Variants in DNAH12 observed in about 807,000 individuals in gnomAD.
DNAH12 encodes the protein dynein axonemal heavy chain 12, also known as axonemal beta dynein heavy chain 12.
A neutral mutation model predicts 371.5 loss-of-function variants in DNAH12; 285 were observed. The ratio of observed to expected loss-of-function variants is 0.77; its 90% CI spans 0.70 to 0.85. The LOEUF (loss-of-function observed/expected upper bound fraction) is 0.85, where lower values mean the gene tolerates loss of function less well. Ranked by LOEUF, DNAH12 falls within the 40% of genes least tolerant of loss-of-function variation. The pLI is 0.00. For synonymous variants in DNAH12, 1,200 were observed against 1,213.0 expected (o/e 0.99, Z 0.22); for missense variants, 3,611 against 3,689.4 (o/e 0.98, Z 0.55).
intron 12 of DNAH12, among the ~76,000 whole-genome samples, chr3:57,484,927 A>G (rs1654632751): frequency 6.6e-6 from 1 of 152,198 alleles, no homozygotes; most frequent in Non-Finnish European, 1.5e-5. Flanking sequence ...AAAACCTATG[A>G]AAAAATGCTC....
rs562343761 is a variant in DNAH12, at chr3:57,438,918, C to CGAAAAAAAAAAA, written c.4546-1859_4546-1858insTTTTTTTTTTTC. ...CAACAGAGTGAAACTCTGTCTCAGA[C>CGAAAAAAAAAAA]AAAAAAAAAAAAAAGGAAAGCAACT... On this transcript the variant is annotated intron_variant, in intron 29 of 73. Transcript: ENST00000495027. Among the ~76,000 whole-genome samples, 417 of 94,464 alleles carry CGAAAAAAAAAAA rather than the reference C, an allele frequency of 4.4e-3. 23 individuals are homozygous for CGAAAAAAAAAAA. The highest frequency in any genetic ancestry group is 6.7e-3 in the South Asian group (15 of 2,240). The allele number at this position is 94,464 out of a possible 152,430, so 62.0% of individuals were successfully genotyped here. A position where few individuals can be genotyped will look rare whatever the true frequency, so the allele number is the denominator to read the frequency against.
chr3:57,352,763 T>A (rs980033911), intron 59 of DNAH12, among the ~76,000 whole-genome samples: 2 of 151,940 alleles, frequency 1.3e-5, no homozygotes, highest in Non-Finnish European at 2.9e-5. Context: ...CAAAGAAGCA[T>A]AAAGTCTAGA....
At chr3:57,352,294 A>G in intron 59 of DNAH12, 69 bp from the exon 60 acceptor site, 3 of 1,413,610 alleles carry the variant, frequency 2.1e-6, no homozygotes, top group Non-Finnish European at 2.8e-6. Flanking sequence ...GTGAATTAAC[A>G]TATACACTTT....
intron 39 of DNAH12, among the ~76,000 whole-genome samples, chr3:57,411,740 A>T (rs2064213622): frequency 6.6e-6 from 1 of 152,152 alleles, no homozygotes; most frequent in Non-Finnish European, 1.5e-5. Flanking sequence ...AATATTATGA[A>T]GATGACAGTC....
At chr3:57,485,271 C>A (rs1184780422) in intron 12 of DNAH12, among the ~76,000 whole-genome samples, 4 of 152,162 alleles carry the variant, frequency 2.6e-5, no homozygotes, top group Admixed American at 6.6e-5. Flanking sequence ...AGATATGGAA[C>A]CAACCTAAGT....
chr3:57,296,885 A>AT lies in DNAH12; in HGVS notation c.11493dup (p.Tyr3832IlefsTer6). On this transcript the variant is annotated frameshift_variant, in exon 71 of 74. Transcript: ENST00000495027. LOFTEE classifies it high-confidence loss of function. ...CCTAGCAAATCAATAGGGGTGGTAT[A>AT]TTTTCTGGCATAATTCTGCATAGCT... 6.4e-7 allele frequency: 1 copy of AT among 1,551,660 alleles called. No individual in the cohort carries two copies. The highest frequency in any genetic ancestry group is 8.7e-7 in the Non-Finnish European group (1 of 1,146,982).
chr3:57,446,438 C>T, intron 26 of DNAH12, 99 bp downstream of exon 26: 1 of 1,437,682 alleles, frequency 7.0e-7, no homozygotes, highest in Non-Finnish European at 9.2e-7. Flanking sequence ...AATATTCAAA[C>T]CACATTCATG....
intron 42 of DNAH12, 58 bp downstream of exon 42, chr3:57,404,911 A>G: frequency 7.2e-7 from 1 of 1,394,930 alleles, no homozygotes; most frequent in Non-Finnish European, 9.4e-7. Context: ...CATTTCAAAC[A>G]TTTCATAATA....
At chr3:57,428,436 C>A in intron 34 of DNAH12, 197 bp downstream of exon 34, 1 of 1,524,446 alleles carries the variant, frequency 6.6e-7, no homozygotes, top group South Asian at 1.3e-5. Flanking sequence ...TGGTTGTATA[C>A]AAATAGTTTA....
At chr3:57,317,788 C>G (rs2061718505) in intron 65 of DNAH12, among the ~76,000 whole-genome samples, 1 of 152,146 alleles carries the variant, frequency 6.6e-6, no homozygotes, top group Admixed American at 6.5e-5. Flanking sequence ...TTACCACCAA[C>G]AGTGTATGAG....
chr3:57,297,682 C>T (rs1321898223), intron 70 of DNAH12, among the ~76,000 whole-genome samples: 2 of 152,094 alleles, frequency 1.3e-5, no homozygotes, highest in African/African-American at 4.8e-5. Flanking sequence ...TCTTAAACCC[C>T]TTGTCTCTGT....
rs2061593584 is a variant in DNAH12 at position 57,312,043 on chromosome 3, A to G, written c.10663-1093T>C. 5.3e-5 allele frequency among the ~76,000 whole-genome samples: 8 copies of G among 152,268 alleles called. No individual in the cohort carries two copies. In the South Asian group the frequency reaches 1.7e-3, roughly 32 times the overall value. On this transcript the variant is annotated intron_variant, in intron 66 of 73. Transcript: ENST00000495027. ...TCCCATACTTGTTCTAATATACAGG[A>G]ATTTTTGATAGTATGTGTATTGGGA...
At chr3:57,387,937 G>A (rs2063529106) in intron 45 of DNAH12, among the ~76,000 whole-genome samples, 1 of 151,994 alleles carries the variant, frequency 6.6e-6, no homozygotes, top group Admixed American at 6.6e-5. Context: ...CTTACCTTTA[G>A]ATTTTTTTTT....
chr3:57,324,876 G>A (rs556643631), intron 62 of DNAH12, among the ~76,000 whole-genome samples: 35 of 152,308 alleles, frequency 2.3e-4, no homozygotes, highest in Non-Finnish European at 4.6e-4. Flanking sequence ...CCAATACTGC[G>A]CTTTTCCGAT....
At chr3:57,359,824 C>A (rs1475774683) in intron 58 of DNAH12, among the ~76,000 whole-genome samples, 2 of 152,002 alleles carry the variant, frequency 1.3e-5, no homozygotes, top group Non-Finnish European at 2.9e-5. Flanking sequence ...AAGGGAAAAG[C>A]AGATTTTGAC....
intron 15 of DNAH12, among the ~76,000 whole-genome samples, chr3:57,470,897 G>A (rs982933068): frequency 1.3e-5 from 2 of 152,126 alleles, no homozygotes; most frequent in African/African-American, 4.8e-5. Context: ...AGTAGAGACG[G>A]GGTTTTGCCA....
chr3:57,464,529 A>G (rs1273331021), intron 17 of DNAH12, among the ~76,000 whole-genome samples: 1 of 152,192 alleles, frequency 6.6e-6, no homozygotes, highest in African/African-American at 2.4e-5. Context: ...TATATCCAAT[A>G]TAAACCAAAA....
At position 57,453,385 on chromosome 3, in the gene DNAH12, T is replaced by G. The variant is rs971401973; in HGVS notation, c.3475A>C (p.Lys1159Gln). ...GGTEGLKKYY[K>Q]ELQNQLNEIV... ...TCATTCAGTTGGTTCTGAAGTTCCT[T>G]ATAATACTTCTTTAATCCCTACAAA... Residue 1159 changes from lysine to glutamine, a missense_variant, in exon 24 of 74, where the codon AAG becomes CAG. Lys to Gln is a moderately conservative substitution (Grantham distance 53, BLOSUM62 1). This residue lies in a region of DNAH12 where 1,314 missense variants were observed against 1,398.7 expected (regional missense o/e 0.94). Coordinates refer to ENST00000495027, the MANE Select transcript of DNAH12 (RefSeq NM_001366028.2). 6 of 1,544,078 alleles carry G rather than the reference T, an allele frequency of 3.9e-6. No individual in the cohort carries two copies. The African/African-American group carries it at 8.3e-5, about 21-fold the overall frequency.
At chr3:57,519,717 G>C in intron 4 of DNAH12, 1 of 1,611,332 alleles carries the variant, frequency 6.2e-7, no homozygotes, top group Admixed American at 1.7e-5. Context: ...AGAGAGGGCA[G>C]CGATTGTTCT....
Sources: gnomAD v4.1 joint callset for allele counts (sites outside exome capture counted in the v4.1 genomes callset) on GRCh38, gnomAD v4.1.1 for gene constraint, gnomAD v4.1.1 regional missense constraint, MANE v1.5 for transcripts, NCBI Gene and HGNC (gene_info 2026-07-23, HGNC 2026-07-21) for gene names.